Variants in ASCC1 observed in about 807,000 individuals in gnomAD.
ASCC1 encodes the protein activating signal cointegrator 1 complex subunit 1, also known as ASC-1 complex subunit P50.
ASCC1 carries 35 observed loss-of-function variants against 46.6 expected under a neutral mutation model. That is an observed-to-expected ratio of 0.75 (90% CI 0.57 to 0.99). ASCC1 has a LOEUF of 0.99. ASCC1 is among the 50% of genes least tolerant of loss of function. ASCC1 has a pLI of 0.00. For synonymous variants in ASCC1, 143 were observed against 146.6 expected (o/e 0.98, Z 0.18); for missense variants, 376 against 428.7 (o/e 0.88, Z 1.09).
intron 3 of ASCC1, 136 bp downstream of exon 3, chr10:72,210,596 C>A: frequency 1.4e-6 from 1 of 721,834 alleles, no homozygotes. Context: ...AGTCCTTTGA[C>A]ATTTCAGGAC....
chr10:72,205,563 G>A (rs943062287), intron 3 of ASCC1, among the ~76,000 whole-genome samples: 1 of 150,552 alleles, frequency 6.6e-6, no homozygotes, highest in South Asian at 2.1e-4. Context: ...TCGGGAGGCA[G>A]AGGTTGCAGT....
chr10:72,204,383 C>G (rs1413539873), intron 3 of ASCC1: 7 of 1,549,800 alleles, frequency 4.5e-6, no homozygotes, highest in Non-Finnish European at 6.1e-6. Flanking sequence ...CCCCATCACT[C>G]CCACTTAAAT....
Position 72,096,263 on chromosome 10 carries a change from C to G in ASCC1, c.*1071G>C, listed in dbSNP as rs1364456169. 4.4e-6 allele frequency: 2 copies of G among 453,942 alleles called. No individual in the cohort carries two copies. Among genetic ancestry groups the G allele is most frequent in the Non-Finnish European group, 8.8e-6 (2 of 226,786 alleles). The allele number at this position is 453,942 out of a possible 1,614,324, so 28.1% of individuals were successfully genotyped here. A position where few individuals can be genotyped will look rare whatever the true frequency, so the allele number is the denominator to read the frequency against. ...GGAGGCTGGGGCTCCCCAGCATTCC[C>G]GCCTCCCTCTGCTGGTCCGTGGTGA... On this transcript the variant is annotated 3_prime_UTR_variant, in exon 10 of 10. Coordinates refer to ENST00000672957, the MANE Select transcript of ASCC1 (RefSeq NM_001198800.3).
At chr10:72,169,316 G>A (rs140546036) in intron 5 of ASCC1, among the ~76,000 whole-genome samples, 7 of 152,000 alleles carry the variant, frequency 4.6e-5, no homozygotes, top group East Asian at 1.9e-4. Flanking sequence ...CATGCATGCC[G>A]GTAGTTCCAG....
At chr10:72,138,404 GA>G (rs1189355084) in intron 7 of ASCC1, among the ~76,000 whole-genome samples, 1 of 152,030 alleles carries the variant, frequency 6.6e-6, no homozygotes, top group Non-Finnish European at 1.5e-5. Context: ...TGTCTTTCTG[GA>G]AAACTAGGAT....
chr10:72,129,136 C>T (rs190527104), intron 8 of ASCC1, among the ~76,000 whole-genome samples: 3 of 152,308 alleles, frequency 2.0e-5, no homozygotes, highest in African/African-American at 7.2e-5. Flanking sequence ...TGGAGTTGCA[C>T]ATGGGTAACT....
At chr10:72,130,946 G>A (rs1845510856) in intron 8 of ASCC1, among the ~76,000 whole-genome samples, 1 of 152,048 alleles carries the variant, frequency 6.6e-6, no homozygotes, top group Non-Finnish European at 1.5e-5. Flanking sequence ...ACATAATAAT[G>A]TTAAAATGTA....
chr10:72,178,691 T>C (rs997306003), intron 5 of ASCC1, among the ~76,000 whole-genome samples: 2 of 152,176 alleles, frequency 1.3e-5, no homozygotes, highest in African/African-American at 4.8e-5. Flanking sequence ...CCTGCAGTAC[T>C]ATGAAACTAC....
intron 7 of ASCC1, among the ~76,000 whole-genome samples, chr10:72,146,699 G>A (rs907834317): frequency 1.3e-5 from 2 of 152,054 alleles, no homozygotes; most frequent in African/African-American, 2.4e-5. Context: ...AAACCAAACC[G>A]AGGATGCATT....
At chr10:72,215,251 T>C (rs1175254503) in intron 1 of ASCC1, among the ~76,000 whole-genome samples, 4 of 152,156 alleles carry the variant, frequency 2.6e-5, no homozygotes, top group Non-Finnish European at 5.9e-5. Context: ...ATACAGAAAG[T>C]AGCCGGGTGT....
intron 1 of ASCC1, chr10:72,215,947 C>G (rs975372392): frequency 5.3e-5 from 8 of 152,292 alleles, no homozygotes; most frequent in African/African-American, 1.9e-4. Context: ...TCTACGCGAG[C>G]GCGTTCTCTG....
intron 5 of ASCC1, among the ~76,000 whole-genome samples, chr10:72,187,171 C>G (rs1190161525): frequency 6.6e-6 from 1 of 152,020 alleles, no homozygotes; most frequent in Non-Finnish European, 1.5e-5. Context: ...CCACTAAGAA[C>G]GAAGTCATCT....
At chr10:72,213,148 A>G in intron 2 of ASCC1, 39 bp downstream of exon 2, 2 of 1,401,166 alleles carry the variant, frequency 1.4e-6, no homozygotes, top group East Asian at 2.3e-5. Context: ...TACACAGGAC[A>G]TTTTACTTCT....
intron 5 of ASCC1, among the ~76,000 whole-genome samples, chr10:72,171,106 C>A (rs1851021784): frequency 1.3e-5 from 2 of 152,168 alleles, no homozygotes; most frequent in South Asian, 4.1e-4. Flanking sequence ...ATAGGTGAAT[C>A]TGAATAAAGG....
intron 9 of ASCC1, among the ~76,000 whole-genome samples, chr10:72,119,400 T>G (rs1055597688): frequency 2.6e-5 from 4 of 152,138 alleles, no homozygotes; most frequent in African/African-American, 9.7e-5. Flanking sequence ...CCTCTAGCCA[T>G]CCACAGTGGG....
intron 8 of ASCC1, among the ~76,000 whole-genome samples, chr10:72,129,756 A>C (rs1031777387): frequency 2.6e-5 from 4 of 152,042 alleles, no homozygotes; most frequent in African/African-American, 7.2e-5. Flanking sequence ...CAGTGAGCCA[A>C]GATTGCACCA....
At chr10:72,129,098 A>G (rs1845243829) in intron 8 of ASCC1, among the ~76,000 whole-genome samples, 1 of 152,222 alleles carries the variant, frequency 6.6e-6, no homozygotes. Flanking sequence ...CCATGAACAT[A>G]ATACATAATA....
intron 2 of ASCC1, 141 bp downstream of exon 2, chr10:72,213,046 T>G (rs1159387963): frequency 6.0e-6 from 4 of 666,886 alleles, no homozygotes; most frequent in Non-Finnish European, 1.1e-5. Flanking sequence ...CCCTTAGACA[T>G]GAACATAAAT....
At chr10:72,121,217 C>T (rs1844158469) in intron 9 of ASCC1, among the ~76,000 whole-genome samples, 1 of 152,174 alleles carries the variant, frequency 6.6e-6, no homozygotes, top group African/African-American at 2.4e-5. Flanking sequence ...AATCATAGCT[C>T]ACTGTAGCCT....
Sources: allele counts gnomAD v4.1 joint callset (sites outside exome capture counted in the v4.1 genomes callset), GRCh38; gene constraint gnomAD v4.1.1; transcripts MANE v1.5; gene names NCBI Gene and HGNC (gene_info 2026-07-23, HGNC 2026-07-21).